CD200: variants seen among roughly 807,000 people sequenced by gnomAD.
CD200 encodes OX-2 membrane glycoprotein.
A neutral mutation model predicts 30.9 loss-of-function variants in CD200; 15 were observed. That is an observed-to-expected ratio of 0.49 (90% confidence interval 0.32 to 0.75). CD200 has a LOEUF of 0.75. CD200 is among the 30% of genes least tolerant of loss of function. The probability of loss-of-function intolerance (pLI) is 0.03; values close to 1 mark genes in which losing one functional copy is unlikely to be tolerated. For missense variants in CD200, 262 were observed against 324.2 expected (o/e 0.81, Z 1.47); for synonymous variants, 134 against 126.2 (o/e 1.06, Z -0.41).
At position 112,362,261 on chromosome 3, in the gene CD200, TCTTAA is replaced by T. The variant is rs2081754854; in HGVS notation, c.*716_*720del. The T allele has an allele frequency of 6.6e-6, 1 of 152,256 alleles. No individual in the cohort carries two copies. The highest frequency in any genetic ancestry group is 1.5e-5 in the Non-Finnish European group (1 of 68,040). The allele number at this position is 152,256 out of a possible 1,614,324, so 9.4% of individuals were successfully genotyped here. A position where few individuals can be genotyped will look rare whatever the true frequency, so the allele number is the denominator to read the frequency against. Reference sequence around the variant, plus strand: ...ATTTATTGTGAAGTAACATTGGCAATCTTAACTTATTCATTTAACTTATTTTTATA... The same window carrying T: ...ATTTATTGTGAAGTAACATTGGCAATCTTATTCATTTAACTTATTTTTATA... On this transcript the variant is annotated 3_prime_UTR_variant, in exon 6 of 6. Coordinates refer to ENST00000315711, the MANE Select transcript of CD200 (RefSeq NM_005944.7).
intron 1 of CD200, 132 bp downstream of exon 1, chr3:112,333,356 C>T: frequency 7.0e-7 from 1 of 1,432,906 alleles, no homozygotes; most frequent in East Asian, 2.7e-5. Flanking sequence ...ACTAGATCAG[C>T]GGTGTTGATG....
chr3:112,353,676 C>A (rs149780550), intron 5 of CD200, among the ~76,000 whole-genome samples: 373 of 152,140 alleles, frequency 2.5e-3, no homozygotes, highest in Non-Finnish European at 4.6e-3. Context: ...AAGGGGAAAA[C>A]AAAAAATATC....
At chr3:112,346,640 C>T (rs1166860604) in intron 3 of CD200, among the ~76,000 whole-genome samples, 1 of 152,206 alleles carries the variant, frequency 6.6e-6, no homozygotes, top group Admixed American at 6.5e-5. Context: ...GCCACAGTTC[C>T]ATAGCCCTAC....
intron 5 of CD200, among the ~76,000 whole-genome samples, chr3:112,351,815 G>C (rs546138559): frequency 1.5e-4 from 23 of 152,266 alleles, no homozygotes; most frequent in African/African-American, 5.5e-4. Context: ...TCTGCTTCTG[G>C]TGAGGGCCTC....
At chr3:112,344,654 C>T (rs1489477140) in intron 2 of CD200, among the ~76,000 whole-genome samples, 2 of 152,200 alleles carry the variant, frequency 1.3e-5, no homozygotes, top group Admixed American at 1.3e-4. Flanking sequence ...TGCTATCCTA[C>T]CTGGCAGTTT....
chr3:112,342,073 A>T (rs2081250905), intron 2 of CD200, among the ~76,000 whole-genome samples: 2 of 152,010 alleles, frequency 1.3e-5, no homozygotes, highest in Admixed American at 1.3e-4. Context: ...TATCCAGATT[A>T]TCAGTCTTTA....
At chr3:112,345,820 C>A (rs970265907) in intron 3 of CD200, among the ~76,000 whole-genome samples, 3 of 152,138 alleles carry the variant, frequency 2.0e-5, no homozygotes, top group African/African-American at 7.2e-5. Context: ...TAGAGCAGAG[C>A]CTTTTCATAC....
chr3:112,339,332 T>TAAATGCTAAAAGACC (rs375516799), intron 1 of CD200, among the ~76,000 whole-genome samples: 9 of 152,322 alleles, frequency 5.9e-5, no homozygotes, highest in African/African-American at 2.2e-4. Flanking sequence ...TTCAAAAGAC[T>TAAATGCTAAAAGACC]AAATGCTAAA....
chr3:112,344,403 C>T (rs7647411), intron 2 of CD200, among the ~76,000 whole-genome samples: 42,780 of 152,088 alleles, frequency 0.28, 6,816 homozygotes, highest in Non-Finnish European at 0.37. Flanking sequence ...GCTTCAAGAT[C>T]CTCCAGAACA....
chr3:112,334,511 C>T (rs2081068909), intron 1 of CD200, among the ~76,000 whole-genome samples: 1 of 152,140 alleles, frequency 6.6e-6, no homozygotes, highest in African/African-American at 2.4e-5. Flanking sequence ...ATAAGAGCAA[C>T]ATTTATTTAG....
At chr3:112,360,714 A>G (rs1458874205) in intron 5 of CD200, among the ~76,000 whole-genome samples, 2 of 152,158 alleles carry the variant, frequency 1.3e-5, no homozygotes, top group East Asian at 3.9e-4. Flanking sequence ...TTACACAGAG[A>G]GTGAGAGGTG....
intron 5 of CD200, among the ~76,000 whole-genome samples, chr3:112,355,110 T>A (rs567541101): frequency 6.6e-6 from 1 of 152,340 alleles, no homozygotes; most frequent in South Asian, 2.1e-4. Context: ...GGGGTGCCAT[T>A]ATTATGCCTA....
At chr3:112,360,436 A>T (rs1159731412) in intron 5 of CD200, among the ~76,000 whole-genome samples, 2 of 152,246 alleles carry the variant, frequency 1.3e-5, no homozygotes, top group East Asian at 3.9e-4. Flanking sequence ...GAAGTAAAAT[A>T]AGTACATAAC....
chr3:112,337,629 A>G (rs1307056728), intron 1 of CD200, among the ~76,000 whole-genome samples: 1 of 152,260 alleles, frequency 6.6e-6, no homozygotes, highest in Admixed American at 6.5e-5. Context: ...GTGTAAATAC[A>G]TAAGCTGGAT....
At chr3:112,335,503 T>A (rs949012762) in intron 1 of CD200, among the ~76,000 whole-genome samples, 1 of 152,206 alleles carries the variant, frequency 6.6e-6, no homozygotes, top group African/African-American at 2.4e-5. Context: ...CTTAGAGATG[T>A]AAGGAAAAAG....
intron 5 of CD200, among the ~76,000 whole-genome samples, chr3:112,355,899 C>T (rs2081614973): frequency 6.6e-6 from 1 of 151,648 alleles, no homozygotes; most frequent in South Asian, 2.1e-4. Flanking sequence ...ATGTTCAGTA[C>T]AATTTAATTT....
At chr3:112,337,446 T>C (rs977011204) in intron 1 of CD200, among the ~76,000 whole-genome samples, 1 of 151,746 alleles carries the variant, frequency 6.6e-6, no homozygotes, top group Non-Finnish European at 1.5e-5. Context: ...CGTTTAGAAG[T>C]AGAAAAGGCT....
At position 112,361,794 on chromosome 3, in the gene CD200, T is replaced by A. The variant is rs1380463684; in HGVS notation, c.*244T>A. On this transcript the variant is annotated 3_prime_UTR_variant, in exon 6 of 6. Transcript: ENST00000315711. ...CTTGATTTTGTAAAGCAATGCCATGTTATGTGGTTGAAAGGGCACTGGACT... is the reference window on the plus strand; with the variant it reads ...CTTGATTTTGTAAAGCAATGCCATGATATGTGGTTGAAAGGGCACTGGACT... 10 of 578,264 alleles carry A rather than the reference T, an allele frequency of 1.7e-5. No individual in the cohort carries two copies. The highest frequency in any genetic ancestry group is 9.3e-6 in the Non-Finnish European group (3 of 322,432). 35.8% of individuals were successfully genotyped at this position (578,264 alleles called of 1,614,324 possible). A position where few individuals can be genotyped will look rare whatever the true frequency, so the allele number is the denominator to read the frequency against.
At chr3:112,336,372 G>A (rs1396256785) in intron 1 of CD200, among the ~76,000 whole-genome samples, 4 of 152,006 alleles carry the variant, frequency 2.6e-5, no homozygotes, top group African/African-American at 9.7e-5. Context: ...TGAGCCCACA[G>A]GAAGAAGGCC....
Sources: allele counts gnomAD v4.1 joint callset (sites outside exome capture counted in the v4.1 genomes callset), GRCh38; gene constraint gnomAD v4.1.1; transcripts MANE v1.5; gene names NCBI Gene and HGNC (gene_info 2026-07-23, HGNC 2026-07-21).